The following SLC2A13 variants were observed in gnomAD, a reference collection of about 807,000 sequenced individuals.
SLC2A13 encodes the protein solute carrier family 2 member 13.
Under a neutral mutation model 64.4 loss-of-function variants are expected in SLC2A13, and 32 were observed. The observed-to-expected ratio is 0.50, with a 90% confidence interval of 0.37 to 0.67. The LOEUF (loss-of-function observed/expected upper bound fraction) is 0.67, where lower values mean the gene tolerates loss of function less well. Among genes scored for constraint, SLC2A13 ranks in the 30% least tolerant of loss-of-function variants. The pLI is 0.00. For synonymous variants in SLC2A13, 338 were observed against 327.1 expected, an observed-to-expected ratio of 1.03 and a Z score of -0.36; for missense variants, 743 against 829.2, an observed-to-expected ratio of 0.90 and a Z score of 1.28.
intron 7 of SLC2A13, among the ~76,000 whole-genome samples, chr12:39,827,200 G>A (rs1942718683): frequency 6.6e-6 from 1 of 151,644 alleles, no homozygotes; most frequent in Non-Finnish European, 1.5e-5. Flanking sequence ...TTATTTATTT[G>A]TTTACGTTTC....
At chr12:39,995,074 T>A (rs918891139) in intron 3 of SLC2A13, among the ~76,000 whole-genome samples, 2 of 152,214 alleles carry the variant, frequency 1.3e-5, no homozygotes, top group Non-Finnish European at 2.9e-5. Flanking sequence ...TTAACCAGTA[T>A]GAGAAAGCAT....
intron 7 of SLC2A13, among the ~76,000 whole-genome samples, chr12:39,808,704 C>T (rs1942053710): frequency 6.6e-6 from 1 of 152,056 alleles, no homozygotes; most frequent in Admixed American, 6.6e-5. Flanking sequence ...TATCTATGTG[C>T]TTATTTGCCA....
At chr12:40,093,936 T>C (rs1427667903) in intron 1 of SLC2A13, among the ~76,000 whole-genome samples, 1 of 152,144 alleles carries the variant, frequency 6.6e-6, no homozygotes, top group Admixed American at 6.5e-5. Flanking sequence ...AAATGAATCA[T>C]TCTGGCTCTC....
At chr12:39,905,557 G>T (rs921707156) in intron 4 of SLC2A13, among the ~76,000 whole-genome samples, 3 of 151,916 alleles carry the variant, frequency 2.0e-5, no homozygotes, top group Non-Finnish European at 4.4e-5. Context: ...AGTAAATAAG[G>T]CATTTTGAAT....
At chr12:40,019,359 AT>A (rs11324751) in intron 3 of SLC2A13, among the ~76,000 whole-genome samples, 107,779 of 151,086 alleles carry the variant, frequency 0.71, 38,412 homozygotes, top group East Asian at 0.84. Context: ...ACAATGCCTA[AT>A]TTTTTTTTTT....
At chr12:39,930,260 C>G (rs763918142) in intron 4 of SLC2A13, among the ~76,000 whole-genome samples, 1 of 151,850 alleles carries the variant, frequency 6.6e-6, no homozygotes, top group South Asian at 2.1e-4. Flanking sequence ...TTGTAGGCAG[C>G]AAGGTGGAGG....
intron 6 of SLC2A13, among the ~76,000 whole-genome samples, chr12:39,846,093 C>G (rs1052954758): frequency 2.0e-5 from 3 of 152,018 alleles, no homozygotes; most frequent in Non-Finnish European, 4.4e-5. Context: ...AAAACAATTG[C>G]CCAAACAAAA....
chr12:39,893,821 T>C (rs1053017043), intron 4 of SLC2A13, among the ~76,000 whole-genome samples: 3 of 152,224 alleles, frequency 2.0e-5, no homozygotes, highest in African/African-American at 7.2e-5. Context: ...CAAAATAATA[T>C]CCTCAGATTC....
intron 7 of SLC2A13, among the ~76,000 whole-genome samples, chr12:39,784,253 G>T (rs1232771309): frequency 6.6e-6 from 1 of 152,172 alleles, no homozygotes; most frequent in Non-Finnish European, 1.5e-5. Context: ...CCAAAAAAGA[G>T]CCCGCATTGC....
At chr12:39,963,072 G>A (rs1946442901) in intron 3 of SLC2A13, among the ~76,000 whole-genome samples, 1 of 151,956 alleles carries the variant, frequency 6.6e-6, no homozygotes, top group Non-Finnish European at 1.5e-5. Flanking sequence ...GGATCACGAG[G>A]TCAGGAGATC....
At chr12:39,898,414 T>G (rs959704001) in intron 4 of SLC2A13, among the ~76,000 whole-genome samples, 1 of 152,140 alleles carries the variant, frequency 6.6e-6, no homozygotes, top group Non-Finnish European at 1.5e-5. Context: ...GATTTACCTG[T>G]AAAGTAAAAT....
chr12:39,920,795 T>G (rs1481663846), intron 4 of SLC2A13, among the ~76,000 whole-genome samples: 1 of 152,082 alleles, frequency 6.6e-6, no homozygotes, highest in Non-Finnish European at 1.5e-5. Context: ...AGCATTCCGA[T>G]GCATGCACAT....
At chr12:39,782,099 C>G (rs910856575) in intron 7 of SLC2A13, among the ~76,000 whole-genome samples, 2 of 152,244 alleles carry the variant, frequency 1.3e-5, no homozygotes. Context: ...AAGACCAAAT[C>G]TTAGGACATA....
chr12:39,776,107 T>C lies in SLC2A13; in HGVS notation c.1446-11249A>G, dbSNP rs775167391. Among the ~76,000 whole-genome samples, 9 of 152,220 alleles carry C rather than the reference T, an allele frequency of 5.9e-5. No individual in the cohort carries two copies. In the South Asian group the frequency reaches 6.2e-4, roughly 11 times the overall value. ...GGGGCTTCTTCTTCCATATTGCTGT[T>C]CCCCCCTACAATTTTTCCCATAATA... is the stretch of plus-strand genomic sequence containing the variant. On this transcript the variant is annotated intron_variant, in intron 7 of 9. Coordinates refer to ENST00000280871, the MANE Select transcript of SLC2A13 (RefSeq NM_052885.4).
intron 4 of SLC2A13, among the ~76,000 whole-genome samples, chr12:39,900,670 T>C (rs1019454356): frequency 1.5e-4 from 23 of 152,100 alleles, no homozygotes; most frequent in Non-Finnish European, 2.8e-4. Context: ...CACAAACCAC[T>C]GCTCAATGAA....
intron 7 of SLC2A13, among the ~76,000 whole-genome samples, chr12:39,807,049 G>A (rs1298420489): frequency 1.3e-5 from 2 of 152,112 alleles, no homozygotes; most frequent in Non-Finnish European, 2.9e-5. Context: ...CATTAGGTTG[G>A]TGCAAAAGTA....
intron 1 of SLC2A13, among the ~76,000 whole-genome samples, chr12:40,091,812 C>T (rs1785497999): frequency 6.6e-6 from 1 of 152,142 alleles, no homozygotes; most frequent in South Asian, 2.1e-4. Flanking sequence ...CTGTCTCCAA[C>T]AGAGATAAAA....
intron 3 of SLC2A13, among the ~76,000 whole-genome samples, chr12:39,973,597 G>C (rs1170334541): frequency 2.0e-5 from 3 of 152,102 alleles, no homozygotes; most frequent in Non-Finnish European, 4.4e-5. Context: ...AATTGTACTA[G>C]CCAAGACAAT....
At chr12:40,011,025 C>A (rs1382172539) in intron 3 of SLC2A13, among the ~76,000 whole-genome samples, 1 of 152,140 alleles carries the variant, frequency 6.6e-6, no homozygotes. Context: ...TTCCTACTCA[C>A]CAGCTTCGTT....
Sources: gnomAD v4.1 joint callset for allele counts (sites outside exome capture counted in the v4.1 genomes callset) on GRCh38, gnomAD v4.1.1 for gene constraint, MANE v1.5 for transcripts, NCBI Gene and HGNC (gene_info 2026-07-23, HGNC 2026-07-21) for gene names.